TM2D1: variants seen among roughly 807,000 people sequenced by gnomAD.
TM2D1 encodes the protein TM2 domain-containing protein 1.
A neutral mutation model predicts 28.4 loss-of-function variants in TM2D1; 15 were observed. The ratio of observed to expected loss-of-function variants is 0.53; its 90% CI spans 0.35 to 0.81. The LOEUF is 0.81. Among genes scored for constraint, TM2D1 ranks in the 40% least tolerant of loss-of-function variants. The probability of loss-of-function intolerance (pLI) is 0.01; values close to 1 mark genes in which losing one functional copy is unlikely to be tolerated. For missense variants in TM2D1, 236 were observed against 254.9 expected (o/e 0.93, Z 0.50); for synonymous variants, 93 against 96.2 (o/e 0.97, Z 0.20).
intron 2 of TM2D1, among the ~76,000 whole-genome samples, chr1:61,716,579 TTA>T (rs56776117): frequency 0.17 from 25,317 of 144,922 alleles, 2,788 homozygotes; most frequent in Non-Finnish European, 0.25. Flanking sequence ...GTATATAATT[TTA>T]TATATATATA....
chr1:61,691,719 C>T (rs1570098675), intron 5 of TM2D1, among the ~76,000 whole-genome samples: 1 of 150,000 alleles, frequency 6.7e-6, no homozygotes, highest in African/African-American at 2.4e-5. Flanking sequence ...AGTTCGACAC[C>T]GGCCTGACCA....
chr1:61,689,319 G>C (rs1181745155), intron 5 of TM2D1, among the ~76,000 whole-genome samples: 1 of 152,016 alleles, frequency 6.6e-6, no homozygotes, highest in Non-Finnish European at 1.5e-5. Context: ...TAAAAATTAA[G>C]AAAAGTGTTT....
chr1:61,719,487 G>GT (rs1046315787), intron 2 of TM2D1, among the ~76,000 whole-genome samples: 4 of 151,418 alleles, frequency 2.6e-5, no homozygotes, highest in Non-Finnish European at 5.9e-5. Flanking sequence ...AGTTTTGTGG[G>GT]TTTTTTTGTT....
chr1:61,697,842 T>C (rs1423885851), intron 4 of TM2D1: 2 of 152,182 alleles, frequency 1.3e-5, no homozygotes, highest in African/African-American at 4.8e-5. Context: ...TCTAGTTTCC[T>C]TAAATGTATT....
chr1:61,684,751 T>C (rs901394146), intron 5 of TM2D1, among the ~76,000 whole-genome samples: 13 of 152,316 alleles, frequency 8.5e-5, no homozygotes, highest in African/African-American at 2.6e-4. Context: ...ATAAGATGAT[T>C]CGCTAGAAGT....
At chr1:61,695,929 C>CT (rs1644360006) in intron 4 of TM2D1, 1 of 152,208 alleles carries the variant, frequency 6.6e-6, no homozygotes. Flanking sequence ...GGCCTTTTAT[C>CT]TGTTTTCTTT....
At chr1:61,702,966 C>T (rs1475591969) in intron 3 of TM2D1, among the ~76,000 whole-genome samples, 1 of 150,804 alleles carries the variant, frequency 6.6e-6, no homozygotes, top group African/African-American at 2.4e-5. Context: ...ATTAGCCGGG[C>T]GTGGTGGTAT....
chr1:61,723,329 T>A (rs898294435), intron 2 of TM2D1, among the ~76,000 whole-genome samples: 40 of 152,210 alleles, frequency 2.6e-4, no homozygotes, highest in South Asian at 2.1e-4. Flanking sequence ...CAGGTAAGTA[T>A]TCATAGATGA....
intron 3 of TM2D1, among the ~76,000 whole-genome samples, chr1:61,701,310 C>CAAAAAAAAAAAAA (rs10587870): frequency 1.4e-4 from 12 of 84,074 alleles, no homozygotes; most frequent in South Asian, 5.8e-4. Flanking sequence ...TAAATGTTAA[C>CAAAAAAAAAAAAA]AAAAAAAAAA....
intron 5 of TM2D1, among the ~76,000 whole-genome samples, chr1:61,685,323 T>C (rs1644277615): frequency 6.6e-6 from 1 of 152,244 alleles, no homozygotes; most frequent in South Asian, 2.1e-4. Context: ...TATTTAAATA[T>C]GTAAATATTT....
chr1:61,709,404 T>G lies in TM2D1; in HGVS notation c.272A>C (p.Lys91Thr). Residue 91 changes from lysine (K) to threonine (T), a missense_variant, in exon 3 of 7, where the codon AAG (lysine) becomes ACG (threonine). Physicochemically the swap from Lys to Thr is moderately conservative, Grantham distance 78 (BLOSUM62 -1). Around this residue, in one of 3 missense-constraint regions of TM2D1, gnomAD observed 167 missense variants for 162.7 expected, o/e 1.03. Coordinates refer to ENST00000606498, the MANE Select transcript of TM2D1 (RefSeq NM_032027.3). Reference protein sequence around the residue: ...SCFPAPNITCKDSSGNETHFT... With the variant: ...SCFPAPNITCTDSSGNETHFT... ...ATGTGTTTCATTGCCACTGGAATCC[T>G]TACAAGTTATGTTGGGTGCTGGAAA... is the stretch of plus-strand genomic sequence containing the variant. The G allele has an allele frequency of 6.2e-7, 1 of 1,612,840 alleles. No homozygotes were observed. Among genetic ancestry groups the G allele is most frequent in the Non-Finnish European group, 8.5e-7 (1 of 1,179,172 alleles).
chr1:61,718,301 A>T (rs1465766386), intron 2 of TM2D1, among the ~76,000 whole-genome samples: 1 of 152,076 alleles, frequency 6.6e-6, no homozygotes, highest in Non-Finnish European at 1.5e-5. Flanking sequence ...AAAAAAAAAA[A>T]AGAGAGAGAA....
rs955602111 is a variant in TM2D1 at position 61,703,204 on chromosome 1, G to A, written c.348-2179C>T. On this transcript the variant is annotated intron_variant, in intron 3 of 6. Transcript: ENST00000606498. Reference sequence around the variant, plus strand: ...TGTCACTGTGCAAAGCTCTCCCATTGTTGTGCCTAATGAATATTACCATAT... The same window carrying A: ...TGTCACTGTGCAAAGCTCTCCCATTATTGTGCCTAATGAATATTACCATAT... Among the ~76,000 whole-genome samples, 8 of 150,410 alleles carry A rather than the reference G, an allele frequency of 5.3e-5. No individual in the cohort carries two copies. The South Asian group carries it at 1.7e-3, about 31-fold the overall frequency.
intron 2 of TM2D1, among the ~76,000 whole-genome samples, chr1:61,711,870 C>T (rs973982233): frequency 6.6e-6 from 1 of 151,754 alleles, no homozygotes; most frequent in African/African-American, 2.4e-5. Flanking sequence ...AATTCTATGT[C>T]ACTGAAAGGA....
At chr1:61,710,425 CAAAAAAA>C (rs1171048869) in intron 2 of TM2D1, among the ~76,000 whole-genome samples, 2 of 58,228 alleles carry the variant, frequency 3.4e-5, no homozygotes, top group African/African-American at 6.6e-5. Flanking sequence ...GACCCTGTCC[CAAAAAAA>C]AAAAAAAAAA....
intron 4 of TM2D1, chr1:61,696,166 C>T (rs555679436): frequency 7.2e-5 from 11 of 152,190 alleles, no homozygotes; most frequent in Non-Finnish European, 1.5e-4. Context: ...TTCATATTTC[C>T]GAAATGTATT....
At chr1:61,691,495 C>CAAAAAAAA (rs1183951634) in intron 5 of TM2D1, among the ~76,000 whole-genome samples, 1 of 39,350 alleles carries the variant, frequency 2.5e-5, no homozygotes, top group Non-Finnish European at 5.1e-5. Flanking sequence ...AACTCCATCT[C>CAAAAAAAA]AAAAAAAAAA....
chr1:61,683,235 G>A (rs1425270553), intron 6 of TM2D1, 182 bp downstream of exon 6: 3 of 270,146 alleles, frequency 1.1e-5, no homozygotes, highest in Non-Finnish European at 2.1e-5. Flanking sequence ...TCTGAAGTGG[G>A]AACCGAAGGA....
intron 5 of TM2D1, among the ~76,000 whole-genome samples, chr1:61,687,613 AC>A (rs1644293240): frequency 6.6e-6 from 1 of 152,090 alleles, no homozygotes; most frequent in South Asian, 2.1e-4. Flanking sequence ...AATTGATATG[AC>A]CCCTCATTTA....
Sources: allele counts gnomAD v4.1 joint callset (sites outside exome capture counted in the v4.1 genomes callset), GRCh38; gene constraint gnomAD v4.1.1; regional missense constraint gnomAD v4.1.1; transcripts MANE v1.5; gene names NCBI Gene and HGNC (gene_info 2026-07-23, HGNC 2026-07-21).